ADAM22: variants seen among roughly 807,000 people sequenced by gnomAD.
ADAM22 encodes the protein disintegrin and metalloproteinase domain-containing protein 22.
ADAM22 carries 65 observed loss-of-function variants against 144.6 expected under a neutral mutation model. The ratio of observed to expected loss-of-function variants is 0.45; its 90% CI spans 0.37 to 0.55. The LOEUF is 0.55. ADAM22 is among the 20% of genes least tolerant of loss of function. The probability of loss-of-function intolerance (pLI) is 0.00; values close to 1 mark genes in which losing one functional copy is unlikely to be tolerated. For missense variants in ADAM22, 974 were observed against 1,184.9 expected, an observed-to-expected ratio of 0.82 and a Z score of 2.61; for synonymous variants, 391 against 412.6, an observed-to-expected ratio of 0.95 and a Z score of 0.63.
chr7:88,195,469 CCACTGTGATACCT>C (rs1327414581), intron 31 of ADAM22, among the ~76,000 whole-genome samples: 2 of 152,046 alleles, frequency 1.3e-5, no homozygotes, highest in Non-Finnish European at 2.9e-5. Context: ...ATGTATCCTT[CCACTGTGATACCT>C]CAGCTTGTGA....
intron 28 of ADAM22, 40 bp downstream of exon 28, chr7:88,181,645 A>T: frequency 6.5e-7 from 1 of 1,538,806 alleles, no homozygotes; most frequent in Non-Finnish European, 9.0e-7. Context: ...CCACATAATC[A>T]AGTTCTATAT....
At chr7:87,943,699 C>A (rs972961562) in intron 2 of ADAM22, among the ~76,000 whole-genome samples, 1 of 151,970 alleles carries the variant, frequency 6.6e-6, no homozygotes, top group Non-Finnish European at 1.5e-5. Flanking sequence ...AAATTTTGTA[C>A]CATGATCCAG....
chr7:88,183,857 T>TACAC (rs145731034), intron 29 of ADAM22, among the ~76,000 whole-genome samples: 1 of 150,478 alleles, frequency 6.6e-6, no homozygotes, highest in Non-Finnish European at 1.5e-5. Context: ...TATTTATACA[T>TACAC]ACACACACAC....
At position 88,108,277 on chromosome 7, in the gene ADAM22, A is replaced by G. The variant is rs34957515; in HGVS notation, c.473+19A>G. 82,525 of 1,598,692 alleles carry G rather than the reference A, an allele frequency of 0.052. 2,902 individuals are homozygous for G. Among genetic ancestry groups the G allele is most frequent in the Admixed American group, 0.14 (8,317 of 58,802 alleles). On this transcript the variant is annotated intron_variant, in intron 5 of 31. Transcript: ENST00000413139. ...GACTTCAGTAAGTGTTCAAAAAGTT[A>G]TTTTTACTGTTTGTTTTTTCAATAA...
chr7:88,177,049 G>A (rs1314885726), intron 26 of ADAM22, among the ~76,000 whole-genome samples: 1 of 152,236 alleles, frequency 6.6e-6, no homozygotes, highest in Admixed American at 6.5e-5. Flanking sequence ...ACAGGCGTGA[G>A]CCACCACGCC....
intron 3 of ADAM22, among the ~76,000 whole-genome samples, chr7:88,008,540 C>T (rs2129458944): frequency 6.6e-6 from 1 of 152,172 alleles, no homozygotes; most frequent in South Asian, 2.1e-4. Flanking sequence ...GAAAATGTGG[C>T]ACATATACAT....
chr7:88,010,806 C>G (rs1795179845), intron 3 of ADAM22, among the ~76,000 whole-genome samples: 1 of 152,204 alleles, frequency 6.6e-6, no homozygotes, highest in Non-Finnish European at 1.5e-5. Flanking sequence ...ACTGTAGTAG[C>G]TGAGGCCAAG....
chr7:88,048,051 C>T (rs925092223), intron 3 of ADAM22, among the ~76,000 whole-genome samples: 3 of 152,130 alleles, frequency 2.0e-5, no homozygotes, highest in African/African-American at 7.2e-5. Context: ...CTTCTTATGT[C>T]CTGCCCTGTT....
intron 3 of ADAM22, among the ~76,000 whole-genome samples, chr7:87,996,930 A>G (rs1032896632): frequency 1.3e-5 from 2 of 152,204 alleles, no homozygotes; most frequent in African/African-American, 4.8e-5. Flanking sequence ...TAATGAGTTA[A>G]TGCATATGAA....
chr7:88,181,941 T>C lies in ADAM22; in HGVS notation c.2597-17T>C, dbSNP rs754408971. On this transcript the variant is annotated splice_polypyrimidine_tract_variant and intron_variant, in intron 28 of 31. Transcript: ENST00000413139. ...ACTTATTTACATGGAAATCTAGCTC[T>C]AAACCGTCTTTTTCAGGTAACCTGG... 6.2e-7 allele frequency: 1 copy of C among 1,610,882 alleles called. No individual in the cohort carries two copies. The highest frequency in any genetic ancestry group is 8.5e-7 in the Non-Finnish European group (1 of 1,178,496).
chr7:88,201,652 T>A lies in ADAM22; in HGVS notation c.*5161T>A, dbSNP rs1586703531. On this transcript the variant is annotated 3_prime_UTR_variant, in exon 32 of 32. Transcript: ENST00000413139. ...CACTGTTCATAAAACCTGTATCATA[T>A]GGGGAAGCTTCAAGGCTGGCAGGCT... 1 of 152,294 alleles carries A rather than the reference T, an allele frequency of 6.6e-6. No homozygotes were observed. The highest frequency in any genetic ancestry group is 1.9e-4 in the East Asian group (1 of 5,170). 9.4% of individuals were successfully genotyped at this position (152,294 alleles called of 1,614,324 possible). A position where few individuals can be genotyped will look rare whatever the true frequency, so the allele number is the denominator to read the frequency against.
chr7:87,941,118 A>G (rs1039596322), intron 2 of ADAM22, among the ~76,000 whole-genome samples: 4 of 152,098 alleles, frequency 2.6e-5, no homozygotes, highest in African/African-American at 9.7e-5. Flanking sequence ...AAGGAGCAAA[A>G]TTTCTTTTTG....
intron 3 of ADAM22, among the ~76,000 whole-genome samples, chr7:88,038,170 A>G (rs1801976523): frequency 6.6e-6 from 1 of 150,898 alleles, no homozygotes; most frequent in Admixed American, 6.6e-5. Context: ...AGATAAGTAT[A>G]CTCCATCTAT....
At chr7:88,084,276 A>G (rs1050512833) in intron 4 of ADAM22, among the ~76,000 whole-genome samples, 3 of 152,138 alleles carry the variant, frequency 2.0e-5, no homozygotes, top group South Asian at 2.1e-4. Flanking sequence ...TTGCTGCACA[A>G]TCTTTGCTGA....
Position 88,114,565 on chromosome 7 carries a change from AT to A in ADAM22, c.474-12del. On this transcript the variant is annotated intron_variant, in intron 5 of 31. Transcript: ENST00000413139. Reference sequence around the variant, plus strand: ...TGAGAGTCGATGGCCATGCCTAATTATTTTTTTGTCGTTGGCAGTGGGATGT... The same window carrying A: ...TGAGAGTCGATGGCCATGCCTAATTATTTTTTGTCGTTGGCAGTGGGATGT... 4 of 1,612,576 alleles carry A rather than the reference AT, an allele frequency of 2.5e-6. No homozygotes were observed. Among genetic ancestry groups the A allele is most frequent in the Non-Finnish European group, 3.4e-6 (4 of 1,179,026 alleles).
rs150557148 is a variant in ADAM22, at chr7:88,155,926, C to T, written c.1827C>T (p.Gly609=). The T allele has an allele frequency of 2.0e-3, 3,151 of 1,613,210 alleles. 103 individuals carry two copies. The Admixed American group carries it at 0.048, about 25-fold the overall frequency. Reference sequence around the variant, plus strand: ...GTTACCTTTTGTGTACCAATATTGGCAATATCCCAAGGCTTGGAGAACTCG... The same window carrying T: ...GTTACCTTTTGTGTACCAATATTGGTAATATCCCAAGGCTTGGAGAACTCG... ...LCGYLLCTNI[G]NIPRLGELDG... The change falls in exon 22 of 32, where the codon GGC becomes GGT. Residue 609 remains glycine, a synonymous_variant. Coordinates refer to ENST00000413139, the MANE Select transcript of ADAM22 (RefSeq NM_001324418.2).
intron 2 of ADAM22, among the ~76,000 whole-genome samples, chr7:87,944,500 A>G (rs1843097597): frequency 1.3e-5 from 2 of 152,164 alleles, no homozygotes; most frequent in Admixed American, 6.5e-5. Context: ...CTCAGCAGGC[A>G]TAAGTGGCAG....
In ADAM22 at chr7:88,021,997, C is replaced by T. The variant is rs543957863; in HGVS notation, c.323+43585C>T. On this transcript the variant is annotated intron_variant, in intron 3 of 31. Coordinates refer to ENST00000413139, the MANE Select transcript of ADAM22 (RefSeq NM_001324418.2). The stretch of plus-strand genomic sequence containing the variant: ...AAGTGATCCTCCCATTTCCGCCTCC[C>T]GAATGTTGAGGACTACAGACATGTA... Among the ~76,000 whole-genome samples, 7 of 151,944 alleles carry T rather than the reference C, an allele frequency of 4.6e-5. No homozygotes were observed. In the South Asian group the frequency reaches 6.2e-4, roughly 14 times the overall value.
At chr7:88,023,853 C>T (rs927009918) in intron 3 of ADAM22, among the ~76,000 whole-genome samples, 1 of 152,158 alleles carries the variant, frequency 6.6e-6, no homozygotes, top group Middle Eastern at 3.4e-3. Flanking sequence ...TTACCCCTCC[C>T]AGCCTCTGGT....
Sources: gnomAD v4.1 joint callset for allele counts (sites outside exome capture counted in the v4.1 genomes callset) on GRCh38, gnomAD v4.1.1 for gene constraint, MANE v1.5 for transcripts, NCBI Gene and HGNC (gene_info 2026-07-23, HGNC 2026-07-21) for gene names.